The following PTBP3 variants were observed in gnomAD, a reference collection of about 807,000 sequenced individuals.
The protein encoded by PTBP3 is polypyrimidine tract binding protein 3, also known as polypyrimidine tract-binding protein 3.
In PTBP3, 20 loss-of-function variants were observed where a neutral mutation model predicts 58.7. The observed-to-expected ratio is 0.34, with a 90% CI of 0.24 to 0.50. The LOEUF is 0.50. Ranked by LOEUF, PTBP3 falls within the 20% of genes least tolerant of loss-of-function variation. PTBP3 has a pLI of 0.98. For missense variants in PTBP3, 509 were observed against 637.2 expected, an observed-to-expected ratio of 0.80 and a Z score of 2.17; for synonymous variants, 185 against 219.8, an observed-to-expected ratio of 0.84 and a Z score of 1.40.
intron 1 of PTBP3, chr9:112,330,359 A>T: frequency 9.7e-7 from 1 of 1,026,710 alleles, no homozygotes; most frequent in Admixed American, 2.4e-5. Flanking sequence ...ACAATAAAGC[A>T]GATAATTTTA....
At position 112,220,743 on chromosome 9, in the gene PTBP3, C is replaced by T; in HGVS notation, c.*3108G>A. On this transcript the variant is annotated 3_prime_UTR_variant, in exon 14 of 14. Transcript: ENST00000374257. Reference sequence around the variant, plus strand: ...TTACTGCTATGCAAATTATTCAAATCTCAAAGTAAATCATTTTGGTGTAAT... The same window carrying T: ...TTACTGCTATGCAAATTATTCAAATTTCAAAGTAAATCATTTTGGTGTAAT... 1 of 983,778 alleles carries T rather than the reference C, an allele frequency of 1.0e-6. No individual in the cohort carries two copies. The highest frequency in any genetic ancestry group is 1.7e-5 in the African/African-American group (1 of 57,250). The allele number at this position is 983,778 out of a possible 1,614,324, so 60.9% of individuals were successfully genotyped here.
the PTBP3 span, among the ~76,000 whole-genome samples, chr9:112,348,446 C>T: frequency 6.6e-6 from 1 of 152,132 alleles, no homozygotes; most frequent in Non-Finnish European, 1.5e-5. Flanking sequence ...CTTTCTCTAC[C>T]AACAATGAAC....
chr9:112,284,723 AAAC>A (rs1011204807), intron 2 of PTBP3, among the ~76,000 whole-genome samples: 1 of 152,014 alleles, frequency 6.6e-6, no homozygotes, highest in African/African-American at 2.4e-5. Context: ...ACAAAAAACA[AAAC>A]AACAACAACA....
At chr9:112,277,951 C>CATAAT (rs1254253852) in intron 2 of PTBP3, among the ~76,000 whole-genome samples, 115 of 85,932 alleles carry the variant, frequency 1.3e-3, no homozygotes, top group African/African-American at 3.4e-3. Flanking sequence ...CATAATATAA[C>CATAAT]ATAACATAAC....
intron 1 of PTBP3, among the ~76,000 whole-genome samples, chr9:112,324,067 T>C (rs1307817117): frequency 6.6e-6 from 1 of 152,032 alleles, no homozygotes; most frequent in East Asian, 1.9e-4. Flanking sequence ...TACAGAGGTT[T>C]CTTTCTCATC....
chr9:112,259,145 G>T (rs146021078), intron 5 of PTBP3, among the ~76,000 whole-genome samples: 3 of 152,216 alleles, frequency 2.0e-5, no homozygotes, highest in Non-Finnish European at 4.4e-5. Context: ...TACAGATGGG[G>T]TTTTGCCATG....
chr9:112,363,010 C>A, the PTBP3 span: 1 of 216,288 alleles, frequency 4.6e-6, no homozygotes, highest in South Asian at 6.9e-5. Flanking sequence ...TGAGATAGCT[C>A]ACAATGTGTC....
the PTBP3 span, among the ~76,000 whole-genome samples, chr9:112,344,931 G>A: frequency 1.3e-4 from 20 of 152,080 alleles, no homozygotes; most frequent in African/African-American, 2.7e-4. Context: ...TCGGGAGTTC[G>A]AGACCAGCAT....
chr9:112,291,697 A>G (rs1828436575), intron 2 of PTBP3, among the ~76,000 whole-genome samples: 1 of 152,190 alleles, frequency 6.6e-6, no homozygotes, highest in Admixed American at 6.5e-5. Context: ...CTTACTTTAC[A>G]CCACATGAAA....
At chr9:112,340,116 C>T in the PTBP3 span, among the ~76,000 whole-genome samples, 1 of 152,114 alleles carries the variant, frequency 6.6e-6, no homozygotes, top group East Asian at 1.9e-4. Flanking sequence ...AGGCATGTTC[C>T]ACCACCACAC....
chr9:112,261,523 C>G (rs1836595609), intron 5 of PTBP3, among the ~76,000 whole-genome samples: 1 of 152,178 alleles, frequency 6.6e-6, no homozygotes, highest in Non-Finnish European at 1.5e-5. Flanking sequence ...TCTGCACATA[C>G]TACAAATCCA....
chr9:112,255,994 C>T (rs1286930332), intron 5 of PTBP3, among the ~76,000 whole-genome samples: 1 of 152,020 alleles, frequency 6.6e-6, no homozygotes, highest in African/African-American at 2.4e-5. Flanking sequence ...TGGCTCACGC[C>T]TGTAATCCCA....
the PTBP3 span, among the ~76,000 whole-genome samples, chr9:112,359,727 C>T: frequency 0.68 from 103,315 of 151,888 alleles, 35,750 homozygotes; most frequent in Middle Eastern, 0.78. Context: ...CACTTGAACC[C>T]GGGAGGCGGA....
At chr9:112,275,714 A>C in intron 3 of PTBP3, 130 bp downstream of exon 3, 1 of 818,522 alleles carries the variant, frequency 1.2e-6, no homozygotes, top group Non-Finnish European at 1.8e-6. Flanking sequence ...AAAAAAATCT[A>C]CTTTTAAAAC....
the PTBP3 span, among the ~76,000 whole-genome samples, chr9:112,369,711 T>A: frequency 2.0e-5 from 3 of 152,156 alleles, no homozygotes; most frequent in Non-Finnish European, 4.4e-5. Flanking sequence ...GGGGGACTGT[T>A]GGGAAGGCAT....
At chr9:112,310,894 G>T (rs920910274) in intron 1 of PTBP3, among the ~76,000 whole-genome samples, 8 of 152,226 alleles carry the variant, frequency 5.3e-5, no homozygotes, top group Non-Finnish European at 2.9e-5. Flanking sequence ...TGGAAAAACA[G>T]TAAGGAGGCA....
At chr9:112,343,882 A>G in the PTBP3 span, among the ~76,000 whole-genome samples, 1 of 151,710 alleles carries the variant, frequency 6.6e-6, no homozygotes, top group East Asian at 1.9e-4. Context: ...GTTATTGGCC[A>G]TTCATTGATA....
Position 112,221,837 on chromosome 9 carries a change from T to C in PTBP3, c.*2014A>G. ...TTGCAGTCTCTATTTTTTGGTAAAA[T>C]TTCTTCTGTAAAAACCTCCCTATGT... On this transcript the variant is annotated 3_prime_UTR_variant, in exon 14 of 14. Transcript: ENST00000374257. 1.0e-6 allele frequency: 1 copy of C among 984,986 alleles called. No individual in the cohort carries two copies. Among genetic ancestry groups the C allele is most frequent in the African/African-American group, 1.7e-5 (1 of 57,354 alleles). 61.0% of individuals were successfully genotyped at this position (984,986 alleles called of 1,614,324 possible).
intron 1 of PTBP3, among the ~76,000 whole-genome samples, chr9:112,301,822 G>T (rs1828948189): frequency 6.6e-6 from 1 of 152,044 alleles, no homozygotes; most frequent in African/African-American, 2.4e-5. Flanking sequence ...CTTAGTGAGG[G>T]GCACACAGGA....
Sources: allele counts gnomAD v4.1 joint callset (sites outside exome capture counted in the v4.1 genomes callset), GRCh38; gene constraint gnomAD v4.1.1; transcripts MANE v1.5; gene names NCBI Gene and HGNC (gene_info 2026-07-23, HGNC 2026-07-21).